FMNL3: variants seen among roughly 807,000 people sequenced by gnomAD.
The protein encoded by FMNL3 is formin like 3.
In FMNL3, 57 loss-of-function variants were observed where a neutral mutation model predicts 119.6. That is an observed-to-expected ratio of 0.48 (90% CI 0.39 to 0.59). FMNL3 has a LOEUF of 0.59. FMNL3 is among the 20% of genes least tolerant of loss of function. The pLI, the probability that FMNL3 is intolerant of heterozygous loss-of-function variation, is 0.00. For missense variants in FMNL3, 1,053 were observed against 1,323.5 expected (o/e 0.80, Z 3.17); for synonymous variants, 491 against 507.3 (o/e 0.97, Z 0.43).
chr12:49,646,423 A>G (rs1943189035), intron 25 of FMNL3, among the ~76,000 whole-genome samples: 1 of 152,226 alleles, frequency 6.6e-6, no homozygotes, highest in African/African-American at 2.4e-5. Flanking sequence ...AGAAGCCAGG[A>G]CAGCATTAGT....
chr12:49,695,540 G>A (rs1225537386), intron 1 of FMNL3, among the ~76,000 whole-genome samples: 1 of 152,106 alleles, frequency 6.6e-6, no homozygotes, highest in Non-Finnish European at 1.5e-5. Flanking sequence ...CTGCCTCATA[G>A]AGTTGTTGTT....
chr12:49,646,780 G>A (rs1943208996), intron 25 of FMNL3, 106 bp downstream of exon 25: 8 of 1,604,174 alleles, frequency 5.0e-6, no homozygotes, highest in Non-Finnish European at 6.0e-6. Context: ...AGACACAGTG[G>A]TCAGGCCTCA....
chr12:49,695,926 T>C (rs1245253154), intron 1 of FMNL3, among the ~76,000 whole-genome samples: 1 of 152,030 alleles, frequency 6.6e-6, no homozygotes, highest in Non-Finnish European at 1.5e-5. Context: ...TACCCAGATA[T>C]TCCCCCAAGG....
intron 1 of FMNL3, among the ~76,000 whole-genome samples, chr12:49,696,436 T>C (rs1331561100): frequency 6.6e-6 from 1 of 152,240 alleles, no homozygotes; most frequent in Non-Finnish European, 1.5e-5. Context: ...GATTGAAAAA[T>C]CTGCGTATAA....
chr12:49,702,436 G>A (rs907453745), intron 1 of FMNL3, among the ~76,000 whole-genome samples: 1 of 152,186 alleles, frequency 6.6e-6, no homozygotes, highest in Non-Finnish European at 1.5e-5. Flanking sequence ...ATTTGGTAAA[G>A]AAACTAGAGA....
chr12:49,646,208 A>G (rs1943177134), intron 25 of FMNL3, among the ~76,000 whole-genome samples: 1 of 152,178 alleles, frequency 6.6e-6, no homozygotes, highest in South Asian at 2.1e-4. Context: ...GGACGTCAGG[A>G]AACAGATCAA....
chr12:49,656,629 A>G, intron 8 of FMNL3, 132 bp from the exon 9 acceptor site: 1 of 925,888 alleles, frequency 1.1e-6, no homozygotes, highest in Non-Finnish European at 1.7e-6. Context: ...GGTGGGAGAA[A>G]GAGGGCTTGC....
In FMNL3 at chr12:49,642,685, G is replaced by C. The variant is rs200319664; in HGVS notation, c.*3130C>G. ...CCTACAGGTGCTGGAGGTGAGGCAG[G>C]CTTGTCCTCTGGATCTGCCTCAGGC... On this transcript the variant is annotated 3_prime_UTR_variant, in exon 26 of 26. Transcript: ENST00000335154. The surrounding 1 kb of genome is among the most constrained non-coding windows in gnomAD (Gnocchi z 5.8). 55 of 1,612,756 alleles carry C rather than the reference G, an allele frequency of 3.4e-5. No individual in the cohort carries two copies. The East Asian group carries it at 1.0e-3, about 29-fold the overall frequency.
rs777951796 is a variant in FMNL3 at position 49,644,180 on chromosome 12, T to C, written c.*1635A>G. Reference sequence around the variant, plus strand: ...GGCGGACACTCCTACAGCAGCTGGATGATCACCAGTGACCCAATGAGCTGT... The same window carrying C: ...GGCGGACACTCCTACAGCAGCTGGACGATCACCAGTGACCCAATGAGCTGT... On this transcript the variant is annotated 3_prime_UTR_variant, in exon 26 of 26. Coordinates refer to ENST00000335154, the MANE Select transcript of FMNL3 (RefSeq NM_175736.5). 23 of 1,614,078 alleles carry C rather than the reference T, an allele frequency of 1.4e-5. No homozygotes were observed. In the East Asian group the frequency reaches 5.1e-4, roughly 36 times the overall value.
intron 1 of FMNL3, among the ~76,000 whole-genome samples, chr12:49,691,115 G>C (rs1387082276): frequency 6.6e-6 from 1 of 152,236 alleles, no homozygotes; most frequent in Non-Finnish European, 1.5e-5. Flanking sequence ...CCACCTACTA[G>C]TGTGTGATCC....
chr12:49,690,391 T>C (rs1180164271), intron 1 of FMNL3, among the ~76,000 whole-genome samples: 2 of 151,814 alleles, frequency 1.3e-5, no homozygotes, highest in East Asian at 3.9e-4. Flanking sequence ...GCCTTCTTTG[T>C]TACACTCTCT....
intron 4 of FMNL3, among the ~76,000 whole-genome samples, chr12:49,664,069 G>A (rs1212318768): frequency 2.6e-5 from 4 of 152,154 alleles, no homozygotes; most frequent in Non-Finnish European, 5.9e-5. Flanking sequence ...CCAACATGGT[G>A]AAACCTCATC....
chr12:49,654,495 A>T (rs977744276), intron 10 of FMNL3, among the ~76,000 whole-genome samples, 193 bp from the exon 11 acceptor site: 1 of 152,238 alleles, frequency 6.6e-6, no homozygotes, highest in Non-Finnish European at 1.5e-5. Flanking sequence ...CAGTGTATAA[A>T]GACAAGTAAA....
intron 1 of FMNL3, chr12:49,688,330 C>G: frequency 2.2e-6 from 1 of 447,178 alleles, no homozygotes; most frequent in South Asian, 1.6e-5. Context: ...ATTCTCCACA[C>G]AGCAGACAAG....
chr12:49,652,258 T>C (rs769535581), intron 13 of FMNL3, 46 bp from the exon 14 acceptor site: 13 of 1,580,818 alleles, frequency 8.2e-6, no homozygotes, highest in South Asian at 1.2e-5. Context: ...GCTGAAGGCA[T>C]AGTCATTGCC....
Position 49,688,567 on chromosome 12 carries a change from A to T in FMNL3, c.126+18488T>A, listed in dbSNP as rs1022645263. ...GCTTTGCAAAAGTTGTTCTCTTCCT[A>T]GAAAACTCATCCCCCAGATCTTTAT... On this transcript the variant is annotated intron_variant, in intron 1 of 25. Transcript: ENST00000335154. 5 of 455,542 alleles carry T rather than the reference A, an allele frequency of 1.1e-5. 1 individual carries two copies. The highest frequency in any genetic ancestry group is 1.0e-4 in the African/African-American group (5 of 50,026). The allele number at this position is 455,542 out of a possible 1,614,324, so 28.2% of individuals were successfully genotyped here.
At chr12:49,692,664 C>T (rs968856133) in intron 1 of FMNL3, among the ~76,000 whole-genome samples, 2 of 152,070 alleles carry the variant, frequency 1.3e-5, no homozygotes, top group South Asian at 4.1e-4. Context: ...TTCCCATTTG[C>T]CACAGCCATT....
chr12:49,644,298 T>C lies in FMNL3; in HGVS notation c.*1517A>G. 1 of 1,309,322 alleles carries C rather than the reference T, an allele frequency of 7.6e-7. No individual in the cohort carries two copies. Among genetic ancestry groups the C allele is most frequent in the East Asian group, 2.5e-5 (1 of 40,360 alleles). 81.1% of individuals were successfully genotyped at this position (1,309,322 alleles called of 1,614,324 possible). A position where few individuals can be genotyped will look rare whatever the true frequency, so the allele number is the denominator to read the frequency against. On this transcript the variant is annotated 3_prime_UTR_variant, in exon 26 of 26. Transcript: ENST00000335154. ...CCTTAGTCTGGTCTGTGTCCACTTT[T>C]TCTAAAGTAACCCCACCCCCAGCAC...
At chr12:49,677,318 G>A (rs1327021839) in intron 1 of FMNL3, among the ~76,000 whole-genome samples, 1 of 152,130 alleles carries the variant, frequency 6.6e-6, no homozygotes, top group African/African-American at 2.4e-5. Flanking sequence ...CCCTCCTAGA[G>A]GCACACATAC....
Sources: allele counts gnomAD v4.1 joint callset (sites outside exome capture counted in the v4.1 genomes callset), GRCh38; gene constraint gnomAD v4.1.1; non-coding constraint Gnocchi (gnomAD v3.1); transcripts MANE v1.5; gene names NCBI Gene and HGNC (gene_info 2026-07-23, HGNC 2026-07-21).